HMCN1: variants seen among roughly 807,000 people sequenced by gnomAD.
The protein encoded by HMCN1 is hemicentin 1, also known as hemicentin-1.
A neutral mutation model predicts 625.9 loss-of-function variants in HMCN1; 321 were observed. That is an observed-to-expected ratio of 0.51 (90% confidence interval 0.47 to 0.56). HMCN1 has a LOEUF of 0.56. Among genes scored for constraint, HMCN1 ranks in the 20% least tolerant of loss-of-function variants. The pLI is 0.00. For missense variants in HMCN1, 6,588 were observed against 6,887.3 expected (o/e 0.96, Z 1.54); for synonymous variants, 2,425 against 2,417.6 (o/e 1.00, Z -0.09).
At chr1:185,777,683 C>G (rs946213625) in intron 1 of HMCN1, among the ~76,000 whole-genome samples, 5 of 152,164 alleles carry the variant, frequency 3.3e-5, no homozygotes, top group African/African-American at 1.2e-4. Context: ...ATCTCTCGAC[C>G]TGGTGATCCG....
At chr1:185,798,872 A>G (rs552612440) in intron 1 of HMCN1, among the ~76,000 whole-genome samples, 2 of 151,876 alleles carry the variant, frequency 1.3e-5, no homozygotes, top group African/African-American at 4.8e-5. Flanking sequence ...TCTTTATCTG[A>G]TATTACAAGA....
At chr1:185,964,718 A>G (rs1230961642) in intron 13 of HMCN1, among the ~76,000 whole-genome samples, 2 of 152,094 alleles carry the variant, frequency 1.3e-5, no homozygotes, top group Admixed American at 1.3e-4. Context: ...GCAGAGGGGA[A>G]GACTAATTCA....
intron 20 of HMCN1, 54 bp from the exon 21 acceptor site, chr1:185,989,434 T>C: frequency 2.4e-5 from 38 of 1,599,020 alleles, no homozygotes; most frequent in Non-Finnish European, 3.1e-5. Flanking sequence ...TCTTTTATAA[T>C]CTTGAAACAA....
At chr1:186,012,351 G>A (rs1363200436) in intron 30 of HMCN1, among the ~76,000 whole-genome samples, 5 of 150,886 alleles carry the variant, frequency 3.3e-5, no homozygotes, top group African/African-American at 1.2e-4. Flanking sequence ...TTTGACTGTA[G>A]TTGTTTCACA....
At chr1:186,144,825 T>C in intron 91 of HMCN1, 122 bp downstream of exon 91, 2 of 1,149,824 alleles carry the variant, frequency 1.7e-6, no homozygotes, top group Non-Finnish European at 2.6e-6. Context: ...GATGTCAGAA[T>C]GTTGTAAGGT....
intron 104 of HMCN1, among the ~76,000 whole-genome samples, 178 bp from the exon 105 acceptor site, chr1:186,181,990 A>G (rs77504596): frequency 0.11 from 15,997 of 152,248 alleles, 1,050 homozygotes; most frequent in Middle Eastern, 0.16. Flanking sequence ...TATATTCAGT[A>G]TTTTTATAAC....
chr1:185,987,429 C>T lies in HMCN1; in HGVS notation c.2936-3C>T. ...AGATTCCAAATCCTACTTACCTTTT[C>T]AGTTCTGCCAACCATTCAGCATGGG... On this transcript the variant is annotated splice_polypyrimidine_tract_variant and splice_region_variant and intron_variant, in intron 19 of 106. Coordinates refer to ENST00000271588, the MANE Select transcript of HMCN1 (RefSeq NM_031935.3). 1 of 1,594,364 alleles carries T rather than the reference C, an allele frequency of 6.3e-7. No individual in the cohort carries two copies.
intron 2 of HMCN1, among the ~76,000 whole-genome samples, chr1:185,847,132 G>GTT (rs142952038): frequency 8.2e-4 from 123 of 149,798 alleles, no homozygotes; most frequent in African/African-American, 1.8e-3. Context: ...CTAGCTTAGA[G>GTT]TTTTTTTTTT....
intron 1 of HMCN1, among the ~76,000 whole-genome samples, chr1:185,803,446 G>T (rs1230998173): frequency 1.3e-5 from 2 of 151,948 alleles, no homozygotes; most frequent in African/African-American, 4.8e-5. Context: ...CTGGTCATTT[G>T]AGCAGAAAGA....
chr1:185,905,803 C>G (rs997499921), intron 4 of HMCN1, among the ~76,000 whole-genome samples: 2 of 151,690 alleles, frequency 1.3e-5, no homozygotes, highest in Non-Finnish European at 1.5e-5. Context: ...AACTATTGAG[C>G]CAGAATCCAA....
chr1:185,877,409 G>C (rs1571488261), intron 4 of HMCN1, among the ~76,000 whole-genome samples: 1 of 123,922 alleles, frequency 8.1e-6, no homozygotes, highest in African/African-American at 3.0e-5. Flanking sequence ...GATGCCTCTA[G>C]TTTTGTTCTT....
Position 186,048,794 on chromosome 1 carries a change from A to G in HMCN1, c.6532A>G (p.Asn2178Asp). The change falls in exon 42 of 107, where the codon AAT becomes GAT. Residue 2178 changes from asparagine to aspartate, a missense_variant. By Grantham distance (23) the Asn-to-Asp change is conservative. Transcript: ENST00000271588. ...TGGTCGTTACACTTGTGAAGCAACA[A>G]ATGTTGCTGGAAAAACTGAAAAAAA... is the stretch of plus-strand genomic sequence containing the variant. ...DTGRYTCEAT[N>D]VAGKTEKNYN... is the part of the protein sequence containing the mutation. The G allele has an allele frequency of 6.2e-7, 1 of 1,611,898 alleles. No homozygotes were observed. Among genetic ancestry groups the G allele is most frequent in the Non-Finnish European group, 8.5e-7 (1 of 1,178,518 alleles).
chr1:186,120,116 C>T lies in HMCN1; in HGVS notation c.12200C>T (p.Ala4067Val), dbSNP rs1372050936. ...GTGGCCCAGAACCCGGCTGGTACAG[C>T]CTTGGGCAAAATCAAGTTAAATGTC... ...MCVAQNPAGT[A>V]LGKIKLNVQV... The change falls in exon 80 of 107, where the codon GCC becomes GTC. Residue 4067 changes from alanine (A) to valine (V), a missense_variant. Physicochemically the swap from Ala to Val is moderately conservative, Grantham distance 64. Coordinates refer to ENST00000271588, the MANE Select transcript of HMCN1 (RefSeq NM_031935.3). 1.2e-6 allele frequency: 2 copies of T among 1,613,882 alleles called. No homozygotes were observed. Among genetic ancestry groups the T allele is most frequent in the Admixed American group, 3.3e-5 (2 of 59,962 alleles).
At chr1:186,113,899 T>C (rs1217645438) in intron 72 of HMCN1, 80 bp from the exon 73 acceptor site, 1 of 1,478,770 alleles carries the variant, frequency 6.8e-7, no homozygotes, top group Admixed American at 1.7e-5. Flanking sequence ...GAAGCTCATC[T>C]TATATTACAT....
intron 28 of HMCN1, 126 bp from the exon 29 acceptor site, chr1:186,003,592 G>A (rs1230038792): frequency 2.4e-6 from 2 of 840,494 alleles, no homozygotes; most frequent in Non-Finnish European, 4.1e-6. Flanking sequence ...GTATTGTTGT[G>A]TGGTATTTTA....
chr1:186,070,569 GA>G (rs1658416062), intron 51 of HMCN1, 42 bp from the exon 52 acceptor site: 2 of 1,548,672 alleles, frequency 1.3e-6, no homozygotes, highest in Non-Finnish European at 1.8e-6. Context: ...TCCATGTATT[GA>G]AAATAACCAA....
chr1:185,825,778 T>A (rs1369524980), intron 1 of HMCN1, among the ~76,000 whole-genome samples: 1 of 152,220 alleles, frequency 6.6e-6, no homozygotes, highest in Non-Finnish European at 1.5e-5. Context: ...TGTTGGGCTT[T>A]GTGGTTTTAC....
chr1:185,795,259 T>C (rs924850451), intron 1 of HMCN1, among the ~76,000 whole-genome samples: 2 of 152,208 alleles, frequency 1.3e-5, no homozygotes, highest in Non-Finnish European at 2.9e-5. Context: ...TAACTTTCTG[T>C]TGCCAACCCA....
chr1:185,906,907 T>A (rs1177125832), intron 4 of HMCN1, among the ~76,000 whole-genome samples: 2 of 151,736 alleles, frequency 1.3e-5, no homozygotes, highest in African/African-American at 4.8e-5. Flanking sequence ...TATTATCAGT[T>A]AAATTTATAA....
Sources: allele counts gnomAD v4.1 joint callset (sites outside exome capture counted in the v4.1 genomes callset), GRCh38; gene constraint gnomAD v4.1.1; transcripts MANE v1.5; gene names NCBI Gene and HGNC (gene_info 2026-07-23, HGNC 2026-07-21).